Variants in TAF1B observed in about 807,000 individuals in gnomAD.
TAF1B encodes TATA-box binding protein associated factor, RNA polymerase I subunit B, also known as TATA box-binding protein-associated factor RNA polymerase I subunit B.
In TAF1B, 61 loss-of-function variants were observed where a neutral mutation model predicts 83.9. The observed-to-expected ratio is 0.73, with a 90% CI of 0.59 to 0.90. TAF1B has a LOEUF of 0.90. TAF1B is among the 40% of genes least tolerant of loss of function. The probability of loss-of-function intolerance (pLI) is 0.00; values close to 1 mark genes in which losing one functional copy is unlikely to be tolerated. For synonymous variants in TAF1B, 221 were observed against 224.6 expected, an observed-to-expected ratio of 0.98 and a Z score of 0.14; for missense variants, 625 against 677.0, an observed-to-expected ratio of 0.92 and a Z score of 0.85.
chr2:9,866,788 G>T (rs967239153), intron 5 of TAF1B, among the ~76,000 whole-genome samples: 7 of 152,188 alleles, frequency 4.6e-5, no homozygotes, highest in African/African-American at 1.4e-4. Flanking sequence ...CCTTTGTAGG[G>T]ACATGGGTGA....
chr2:9,852,037 G>A (rs769606930), intron 4 of TAF1B: 8 of 472,442 alleles, frequency 1.7e-5, no homozygotes, highest in African/African-American at 1.6e-4. Context: ...CGTCCATCAG[G>A]ACTTGAGTTC....
intron 12 of TAF1B, 29 bp from the exon 13 acceptor site, chr2:9,919,012 T>C: frequency 6.3e-7 from 1 of 1,586,298 alleles, no homozygotes; most frequent in Non-Finnish European, 8.6e-7. Flanking sequence ...ATCTCCGTCC[T>C]GCTCCAGCTG....
At chr2:9,855,922 A>G (rs1368109727) in intron 5 of TAF1B, among the ~76,000 whole-genome samples, 1 of 152,198 alleles carries the variant, frequency 6.6e-6, no homozygotes, top group Non-Finnish European at 1.5e-5. Flanking sequence ...CTTTGTGCAT[A>G]TTGCTTGCAC....
At chr2:9,851,789 G>A (rs1663404130) in intron 4 of TAF1B, 151 bp downstream of exon 4, 1 of 681,574 alleles carries the variant, frequency 1.5e-6, no homozygotes, top group African/African-American at 1.8e-5. Flanking sequence ...CTTTTAGTAG[G>A]TTAGCAGTTC....
At chr2:9,927,856 T>C (rs1666089760) in intron 14 of TAF1B, among the ~76,000 whole-genome samples, 1 of 152,356 alleles carries the variant, frequency 6.6e-6, no homozygotes, top group South Asian at 2.1e-4. Flanking sequence ...GTGCAGAAGC[T>C]TGTTAGTTTA....
intron 5 of TAF1B, 42 bp downstream of exon 5, chr2:9,854,463 G>GTTT: frequency 1.4e-6 from 2 of 1,448,786 alleles, no homozygotes; most frequent in Non-Finnish European, 1.9e-6. Flanking sequence ...AAACATGTCT[G>GTTT]TTGAGATGTA....
chr2:9,855,274 C>T (rs1306486622), intron 5 of TAF1B, among the ~76,000 whole-genome samples: 6 of 152,198 alleles, frequency 3.9e-5, no homozygotes, highest in Admixed American at 2.6e-4. Flanking sequence ...GGATTACAGG[C>T]GTGAGCCACT....
intron 7 of TAF1B, among the ~76,000 whole-genome samples, chr2:9,880,937 A>G (rs189253150): frequency 6.6e-6 from 1 of 152,360 alleles, no homozygotes; most frequent in Admixed American, 6.5e-5. Flanking sequence ...CATATAAACG[A>G]AATATACTAA....
intron 14 of TAF1B, among the ~76,000 whole-genome samples, chr2:9,921,934 TTAAAAA>T (rs1452641280): frequency 9.9e-5 from 15 of 152,180 alleles, no homozygotes; most frequent in Admixed American, 9.2e-4. Flanking sequence ...TGTCTTCCTG[TTAAAAA>T]TAAAAAGACT....
At chr2:9,933,680 C>T in intron 14 of TAF1B, 103 bp from the exon 15 acceptor site, 1 of 949,772 alleles carries the variant, frequency 1.1e-6, no homozygotes, top group South Asian at 1.7e-5. Flanking sequence ...TTAAGCCTAA[C>T]CATATATATT....
chr2:9,854,279 G>A, intron 4 of TAF1B, 47 bp from the exon 5 acceptor site: 1 of 1,361,698 alleles, frequency 7.3e-7, no homozygotes, highest in African/African-American at 1.4e-5. Context: ...CTGTACATTT[G>A]TTGTCATAAC....
At chr2:9,933,709 G>C (rs746394495) in intron 14 of TAF1B, 74 bp from the exon 15 acceptor site, 26 of 1,200,128 alleles carry the variant, frequency 2.2e-5, no homozygotes, top group Non-Finnish European at 3.1e-5. Flanking sequence ...TATTTGGGGG[G>C]ATGTTCAGGG....
intron 14 of TAF1B, among the ~76,000 whole-genome samples, chr2:9,926,456 A>C (rs1216125316): frequency 6.6e-6 from 1 of 152,184 alleles, no homozygotes; most frequent in Non-Finnish European, 1.5e-5. Flanking sequence ...CTCATAGTCC[A>C]GATTTTGTGT....
chr2:9,856,883 T>G (rs1200329024), intron 5 of TAF1B, among the ~76,000 whole-genome samples: 4 of 152,214 alleles, frequency 2.6e-5, no homozygotes, highest in Non-Finnish European at 4.4e-5. Flanking sequence ...ATGGAAACAA[T>G]TACTTTTAAT....
At chr2:9,921,710 A>G (rs966096719) in intron 14 of TAF1B, among the ~76,000 whole-genome samples, 4 of 152,240 alleles carry the variant, frequency 2.6e-5, no homozygotes, top group African/African-American at 9.6e-5. Flanking sequence ...TCAGTGGGGT[A>G]TACAGGTGTT....
chr2:9,915,579 A>C (rs1572281164), intron 12 of TAF1B, among the ~76,000 whole-genome samples: 1 of 152,258 alleles, frequency 6.6e-6, no homozygotes, highest in South Asian at 2.1e-4. Context: ...CGACAATGAC[A>C]TATCATTATA....
chr2:9,895,813 C>CTTTTTTTTT (rs34044860), intron 8 of TAF1B, among the ~76,000 whole-genome samples: 1 of 112,480 alleles, frequency 8.9e-6, no homozygotes, highest in Non-Finnish European at 1.8e-5. Context: ...GCACTGCACT[C>CTTTTTTTTT]TTTTTTTTTT....
intron 6 of TAF1B, among the ~76,000 whole-genome samples, chr2:9,872,624 T>G (rs1368096603): frequency 6.6e-6 from 1 of 152,220 alleles, no homozygotes; most frequent in Non-Finnish European, 1.5e-5. Flanking sequence ...CAGGTTTACA[T>G]GTTTAAAAAA....
intron 8 of TAF1B, among the ~76,000 whole-genome samples, chr2:9,903,272 A>C (rs1057438161): frequency 6.6e-6 from 1 of 151,896 alleles, no homozygotes; most frequent in East Asian, 1.9e-4. Context: ...TTTTTAGTAG[A>C]GAGGGGGTTT....
Sources: gnomAD v4.1 joint callset for allele counts (sites outside exome capture counted in the v4.1 genomes callset) on GRCh38, gnomAD v4.1.1 for gene constraint, MANE v1.5 for transcripts, NCBI Gene and HGNC (gene_info 2026-07-23, HGNC 2026-07-21) for gene names.